Variants in RPS6KC1 observed in about 807,000 individuals in gnomAD.
RPS6KC1 encodes ribosomal protein S6 kinase C1, also known as inactive ribosomal protein S6 kinase delta-1.
Under a neutral mutation model 103.8 loss-of-function variants are expected in RPS6KC1, and 54 were observed. That is an observed-to-expected ratio of 0.52 (90% CI 0.42 to 0.65). The LOEUF (loss-of-function observed/expected upper bound fraction) is 0.65, where lower values mean the gene tolerates loss of function less well. Ranked by LOEUF, RPS6KC1 falls within the 30% of genes least tolerant of loss-of-function variation. The pLI is 0.00. For missense variants in RPS6KC1, 1,151 were observed against 1,253.8 expected (o/e 0.92, Z 1.24); for synonymous variants, 439 against 438.7 (o/e 1.00, Z -0.01).
the RPS6KC1 span, among the ~76,000 whole-genome samples, chr1:213,321,148 G>A: frequency 4.6e-5 from 7 of 152,164 alleles, no homozygotes; most frequent in Admixed American, 2.0e-4. Flanking sequence ...TTGACTACAC[G>A]TCGATGATGG....
chr1:213,158,918 C>T (rs2090188807), intron 6 of RPS6KC1, among the ~76,000 whole-genome samples: 1 of 152,012 alleles, frequency 6.6e-6, no homozygotes, highest in Non-Finnish European at 1.5e-5. Context: ...TCAGGAATGT[C>T]TATCTGGGAA....
chr1:213,159,453 C>A (rs2090244038), intron 6 of RPS6KC1, among the ~76,000 whole-genome samples: 1 of 152,162 alleles, frequency 6.6e-6, no homozygotes. Flanking sequence ...AACAGAGCAT[C>A]TAAAATAACC....
the RPS6KC1 span, among the ~76,000 whole-genome samples, chr1:213,814,173 T>A: frequency 6.6e-6 from 1 of 152,258 alleles, no homozygotes; most frequent in Non-Finnish European, 1.5e-5. Context: ...ATGTATCCTT[T>A]GCTACCTGAG....
intron 2 of RPS6KC1, among the ~76,000 whole-genome samples, chr1:213,072,672 A>C (rs185459671): frequency 6.6e-6 from 1 of 152,366 alleles, no homozygotes; most frequent in African/African-American, 2.4e-5. Flanking sequence ...GTATACATAC[A>C]TATATATGTA....
the RPS6KC1 span, among the ~76,000 whole-genome samples, chr1:213,390,990 G>A: frequency 6.6e-6 from 1 of 151,952 alleles, no homozygotes. Context: ...ATGTGATACC[G>A]ATGTATATGA....
the RPS6KC1 span, among the ~76,000 whole-genome samples, chr1:213,433,013 T>C: frequency 6.6e-6 from 1 of 152,182 alleles, no homozygotes; most frequent in East Asian, 1.9e-4. Context: ...CAGCACAAAT[T>C]TATTATCTTA....
At chr1:213,564,467 T>C in the RPS6KC1 span, among the ~76,000 whole-genome samples, 1 of 152,180 alleles carries the variant, frequency 6.6e-6, no homozygotes, top group East Asian at 1.9e-4. Flanking sequence ...TTCCTTCTGG[T>C]ATTCTGTTTT....
the RPS6KC1 span, among the ~76,000 whole-genome samples, chr1:213,525,751 A>G: frequency 6.6e-6 from 1 of 152,218 alleles, no homozygotes; most frequent in Non-Finnish European, 1.5e-5. Context: ...CTTGGCAAAT[A>G]CAGGGCTGAT....
chr1:213,129,497 A>G, intron 5 of RPS6KC1, 30 bp from the exon 6 acceptor site: 1 of 1,536,694 alleles, frequency 6.5e-7, no homozygotes, highest in Non-Finnish European at 8.8e-7. Flanking sequence ...TCAATTTAAT[A>G]TCTGTTTACT....
chr1:213,108,085 T>C (rs551470859), intron 4 of RPS6KC1, among the ~76,000 whole-genome samples: 1 of 152,248 alleles, frequency 6.6e-6, no homozygotes, highest in East Asian at 1.9e-4. Flanking sequence ...GTGGTGTCAT[T>C]TGAAGCTCAA....
chr1:213,129,495 A>G, intron 5 of RPS6KC1, 32 bp from the exon 6 acceptor site: 2 of 1,535,004 alleles, frequency 1.3e-6, no homozygotes, highest in Admixed American at 4.3e-5. Context: ...TCTCAATTTA[A>G]TATCTGTTTA....
the RPS6KC1 span, among the ~76,000 whole-genome samples, chr1:213,829,265 T>C: frequency 1.2e-5 from 1 of 85,782 alleles, no homozygotes; most frequent in Non-Finnish European, 2.2e-5. Flanking sequence ...ACCTCGTTTG[T>C]TTCAAAAAAA....
At chr1:213,204,506 A>G (rs1233825337) in intron 8 of RPS6KC1, among the ~76,000 whole-genome samples, 1 of 152,160 alleles carries the variant, frequency 6.6e-6, no homozygotes, top group Non-Finnish European at 1.5e-5. Context: ...GTATGCTGGA[A>G]TAGACAATAT....
At chr1:213,740,621 A>ATCTCAGATATATATACACATACATATATC in the RPS6KC1 span, among the ~76,000 whole-genome samples, 1 of 149,308 alleles carries the variant, frequency 6.7e-6, no homozygotes, top group South Asian at 2.1e-4. Flanking sequence ...ACATATATAT[A>ATCTCAGATATATATACACATACATATATC]TCTCAGATAT....
the RPS6KC1 span, among the ~76,000 whole-genome samples, chr1:213,586,950 G>A: frequency 6.6e-6 from 1 of 152,308 alleles, no homozygotes; most frequent in East Asian, 1.9e-4. Flanking sequence ...GTTCTCGTTA[G>A]CCTGGTCATG....
At chr1:213,655,322 C>T in the RPS6KC1 span, among the ~76,000 whole-genome samples, 1 of 127,114 alleles carries the variant, frequency 7.9e-6, no homozygotes, top group Non-Finnish European at 1.9e-5. Context: ...GGATTACAGG[C>T]ATGAGCCACC....
chr1:213,398,394 T>A, the RPS6KC1 span, among the ~76,000 whole-genome samples: 1 of 151,874 alleles, frequency 6.6e-6, no homozygotes, highest in African/African-American at 2.4e-5. Flanking sequence ...GGTCAGTGGG[T>A]GACTGAACAT....
the RPS6KC1 span, among the ~76,000 whole-genome samples, chr1:213,375,190 C>CATACACAT: frequency 6.6e-6 from 1 of 151,822 alleles, no homozygotes; most frequent in South Asian, 2.1e-4. Flanking sequence ...CACACATGTA[C>CATACACAT]ATACACATAT....
chr1:213,136,576 G>C (rs750398119), intron 6 of RPS6KC1, among the ~76,000 whole-genome samples: 1 of 152,088 alleles, frequency 6.6e-6, no homozygotes, highest in South Asian at 2.1e-4. Context: ...TGTTTTGGTT[G>C]TTCATGTGTG....
Sources: allele counts gnomAD v4.1 joint callset (sites outside exome capture counted in the v4.1 genomes callset), GRCh38; gene constraint gnomAD v4.1.1; transcripts MANE v1.5; gene names NCBI Gene and HGNC (gene_info 2026-07-23, HGNC 2026-07-21).